CPXM2: variants seen among roughly 807,000 people sequenced by gnomAD.
The protein encoded by CPXM2 is inactive carboxypeptidase-like protein X2.
CPXM2 carries 66 observed loss-of-function variants against 86.1 expected under a neutral mutation model. The observed-to-expected ratio is 0.77, with a 90% confidence interval of 0.63 to 0.94. CPXM2 has a LOEUF of 0.94. CPXM2 is among the 40% of genes least tolerant of loss of function. The pLI is 0.00. For missense variants in CPXM2, 948 were observed against 1,026.3 expected, an observed-to-expected ratio of 0.92 and a Z score of 1.04; for synonymous variants, 388 against 400.2, an observed-to-expected ratio of 0.97 and a Z score of 0.36.
At chr10:123,899,123 T>A (rs1945362034) in intron 2 of CPXM2, among the ~76,000 whole-genome samples, 1 of 152,246 alleles carries the variant, frequency 6.6e-6, no homozygotes, top group African/African-American at 2.4e-5. Context: ...TAATGTAATC[T>A]TAATTCTAAA....
At chr10:123,840,470 A>G (rs954349999) in intron 4 of CPXM2, among the ~76,000 whole-genome samples, 1 of 152,222 alleles carries the variant, frequency 6.6e-6, no homozygotes, top group Non-Finnish European at 1.5e-5. Context: ...AAGTATGAAA[A>G]TGTTTTCTCA....
chr10:123,932,651 TC>T (rs1446577911), intron 2 of CPXM2, among the ~76,000 whole-genome samples: 3 of 152,158 alleles, frequency 2.0e-5, no homozygotes, highest in African/African-American at 7.2e-5. Context: ...AAGTCATTTC[TC>T]CCCATGGAAT....
Position 123,799,197 on chromosome 10 carries a change from C to T in CPXM2, c.656G>A (p.Ser219Asn). The change falls in exon 5 of 14, where the codon AGT becomes AAT. Residue 219 changes from serine (S) to asparagine (N), a missense_variant and splice_region_variant. Physicochemically the swap from Ser to Asn is conservative, Grantham distance 46. Transcript: ENST00000241305. ...ITQGRNSLWLSDWVTSYKVMV... is the reference protein window; with the variant it reads ...ITQGRNSLWLNDWVTSYKVMV... ...GACCTTATAGGATGTCACCCAGTCA[C>T]TCCTATGAGAAAATAAAACATCATT... 2 of 1,614,046 alleles carry T rather than the reference C, an allele frequency of 1.2e-6. No individual in the cohort carries two copies. The highest frequency in any genetic ancestry group is 1.7e-6 in the Non-Finnish European group (2 of 1,180,006).
chr10:123,880,195 C>T lies in CPXM2; in HGVS notation c.403+16G>A, dbSNP rs776601598. ...GCCTAGGACTGGTGTAGGGGCTCTCCGAGAGCCTCACTTACTCTCTCTGAC... is the reference window on the plus strand; with the variant it reads ...GCCTAGGACTGGTGTAGGGGCTCTCTGAGAGCCTCACTTACTCTCTCTGAC... On this transcript the variant is annotated intron_variant, in intron 2 of 13. Coordinates refer to ENST00000241305, the MANE Select transcript of CPXM2 (RefSeq NM_198148.3). The T allele has an allele frequency of 3.0e-5, 25 of 837,582 alleles. No homozygotes were observed. The highest frequency in any genetic ancestry group is 5.8e-4 in the Middle Eastern group (2 of 3,454). 51.9% of individuals were successfully genotyped at this position (837,582 alleles called of 1,614,324 possible).
intron 10 of CPXM2, among the ~76,000 whole-genome samples, chr10:123,764,808 ATTTAT>A (rs1214526272): frequency 4.7e-5 from 7 of 150,106 alleles, no homozygotes; most frequent in African/African-American, 1.7e-4. Context: ...TAATTAATTA[ATTTAT>A]TTATTTATTT....
At chr10:123,762,800 T>C (rs1273915081) in intron 10 of CPXM2, among the ~76,000 whole-genome samples, 1 of 152,244 alleles carries the variant, frequency 6.6e-6, no homozygotes, top group Admixed American at 6.5e-5. Context: ...CAAGTATTTA[T>C]CATAAATTGC....
Position 123,762,099 on chromosome 10 carries a change from T to C in CPXM2, c.1550A>G (p.Gln517Arg), listed in dbSNP as rs377424380. Residue 517 changes from glutamine to arginine, a missense_variant, in exon 11 of 14, where the codon CAG becomes CGG. Transcript: ENST00000241305. The part of the protein sequence containing the change: ...KIPFVLGGNL[Q>R]GGELVVAYPY... ...GTACGCCACCACCAGCTCGCCGCCC[T>C]GCAGGTTGCCGCCCAGCACAAAAGG... 11 of 1,614,032 alleles carry C rather than the reference T, an allele frequency of 6.8e-6. No homozygotes were observed. The highest frequency in any genetic ancestry group is 3.3e-5 in the Admixed American group (2 of 60,006).
At position 123,798,131 on chromosome 10, in the gene CPXM2, T is replaced by C; in HGVS notation, c.739-5A>G. ...CTCACTGTTTCCCTCAAATATCTAT[T>C]TATGCTCATGGGAGAAAAGGAAAAT... On this transcript the variant is annotated splice_polypyrimidine_tract_variant and splice_region_variant and intron_variant, in intron 5 of 13. Coordinates refer to ENST00000241305, the MANE Select transcript of CPXM2 (RefSeq NM_198148.3). The C allele has an allele frequency of 6.3e-7, 1 of 1,592,338 alleles. No homozygotes were observed. The highest frequency in any genetic ancestry group is 8.5e-7 in the Non-Finnish European group (1 of 1,170,096).
rs1260765014 is a variant in CPXM2, at chr10:123,811,084, G to C, written c.654-11885C>G. On this transcript the variant is annotated intron_variant, in intron 4 of 13. Transcript: ENST00000241305. ...CTCAAGGTAACTGAATATTAATATAGAAAAAAACTAAAACTGGACCCTATA... is the reference window on the plus strand; with the variant it reads ...CTCAAGGTAACTGAATATTAATATACAAAAAAACTAAAACTGGACCCTATA... Among the ~76,000 whole-genome samples, 4 of 150,632 alleles carry C rather than the reference G, an allele frequency of 2.7e-5. No homozygotes were observed. The East Asian group carries it at 5.8e-4, about 22-fold the overall frequency.
Position 123,842,432 on chromosome 10 carries a change from G to A in CPXM2, c.570C>T (p.Asp190=), listed in dbSNP as rs1848405394. 2 of 1,614,204 alleles carry A rather than the reference G, an allele frequency of 1.2e-6. No individual in the cohort carries two copies. Among genetic ancestry groups the A allele is most frequent in the East Asian group, 4.5e-5 (2 of 44,874 alleles). Residue 190 remains aspartate (D), a synonymous_variant, in exon 4 of 14, where the codon GAC becomes GAT. Coordinates refer to ENST00000241305, the MANE Select transcript of CPXM2 (RefSeq NM_198148.3). ...YDGAWCAGRN[D]LQQWIEVDAR... Reference sequence around the variant, plus strand: ...CATCCACTTCAATCCACTGCTGGAGGTCATTTCTTCCCGCGCACCACGCTC... The same window carrying A: ...CATCCACTTCAATCCACTGCTGGAGATCATTTCTTCCCGCGCACCACGCTC...
upstream of CPXM2, among the ~76,000 whole-genome samples, chr10:123,893,694 C>G (rs1454647117): frequency 7.9e-5 from 12 of 152,066 alleles, no homozygotes; most frequent in Non-Finnish European, 1.5e-5. Context: ...GGCCTATCCC[C>G]AGGGCTCACT....
At chr10:123,867,402 C>T (rs985328409) in intron 2 of CPXM2, among the ~76,000 whole-genome samples, 7 of 151,958 alleles carry the variant, frequency 4.6e-5, no homozygotes, top group African/African-American at 1.4e-4. Flanking sequence ...TAAATTAATT[C>T]GAAATACATA....
At chr10:123,814,884 G>A (rs1335329610) in intron 4 of CPXM2, among the ~76,000 whole-genome samples, 1 of 152,126 alleles carries the variant, frequency 6.6e-6, no homozygotes, top group Non-Finnish European at 1.5e-5. Context: ...AATTAGCTGG[G>A]TGTGGTGGTG....
intron 6 of CPXM2, among the ~76,000 whole-genome samples, chr10:123,781,819 T>TA (rs905524751): frequency 1.1e-4 from 17 of 152,156 alleles, no homozygotes; most frequent in Non-Finnish European, 2.9e-5. Flanking sequence ...TCACACATGT[T>TA]ACACACATCT....
intron 2 of CPXM2, among the ~76,000 whole-genome samples, chr10:123,923,909 G>A (rs1014663049): frequency 1.3e-5 from 2 of 152,162 alleles, no homozygotes; most frequent in Admixed American, 6.5e-5. Context: ...CCAGCCACGT[G>A]GAACTGTGAG....
At chr10:123,913,797 C>T (rs1028936192) in intron 2 of CPXM2, 4 of 320,222 alleles carry the variant, frequency 1.2e-5, no homozygotes, top group Admixed American at 4.4e-5. Flanking sequence ...AGAGATAAAG[C>T]TCTGAAAGAA....
At chr10:123,772,470 T>C (rs1846665364) in intron 7 of CPXM2, among the ~76,000 whole-genome samples, 1 of 151,944 alleles carries the variant, frequency 6.6e-6, no homozygotes, top group Admixed American at 6.6e-5. Flanking sequence ...TCCCTGGTCA[T>C]GGTTATCACT....
intron 2 of CPXM2, chr10:123,931,435 A>G (rs1945665632): frequency 6.6e-6 from 1 of 152,204 alleles, no homozygotes; most frequent in South Asian, 2.1e-4. Flanking sequence ...GCTGATTCTA[A>G]TCTCCATCCT....
intron 2 of CPXM2, among the ~76,000 whole-genome samples, chr10:123,908,804 A>C (rs1246903759): frequency 1.3e-5 from 2 of 152,210 alleles, no homozygotes; most frequent in African/African-American, 2.4e-5. Context: ...TGAAGAAAAT[A>C]TTCCATATCA....
Sources: gnomAD v4.1 joint callset for allele counts (sites outside exome capture counted in the v4.1 genomes callset) on GRCh38, gnomAD v4.1.1 for gene constraint, MANE v1.5 for transcripts, NCBI Gene and HGNC (gene_info 2026-07-23, HGNC 2026-07-21) for gene names.